Variants in CTNNA3 observed in about 807,000 individuals in gnomAD.
The protein encoded by CTNNA3 is catenin alpha 3.
CTNNA3 carries 76 observed loss-of-function variants against 95.7 expected under a neutral mutation model. That is an observed-to-expected ratio of 0.79 (90% CI 0.66 to 0.96). The LOEUF is 0.96. Ranked by LOEUF, CTNNA3 falls within the 40% of genes least tolerant of loss-of-function variation. The probability of loss-of-function intolerance (pLI) is 0.00; values close to 1 mark genes in which losing one functional copy is unlikely to be tolerated. For missense variants in CTNNA3, 1,191 were observed against 1,089.8 expected (o/e 1.09, Z -1.31); for synonymous variants, 431 against 374.4 (o/e 1.15, Z -1.74).
At chr10:66,024,321 C>G (rs963930180) in intron 15 of CTNNA3, among the ~76,000 whole-genome samples, 1 of 152,022 alleles carries the variant, frequency 6.6e-6, no homozygotes, top group African/African-American at 2.4e-5. Context: ...GATCTCCTGA[C>G]CTCGTGATCC....
rs192173315 is a variant in CTNNA3, at chr10:67,301,197, G to A, written c.580-81327C>T. Among the ~76,000 whole-genome samples the A allele has an allele frequency of 2.9e-3, 434 of 152,264 alleles. 2 individuals carry two copies. The highest frequency in any genetic ancestry group is 1.0e-2 in the African/African-American group (414 of 41,552). ...TGTCCACACATGTCCTTAATTGTATGTGCCTAGTTTTTAAATTACTCCTTT... is the reference window on the plus strand; with the variant it reads ...TGTCCACACATGTCCTTAATTGTATATGCCTAGTTTTTAAATTACTCCTTT... On this transcript the variant is annotated intron_variant, in intron 5 of 17. Transcript: ENST00000433211.
intron 5 of CTNNA3, among the ~76,000 whole-genome samples, chr10:67,487,303 C>T (rs560711383): frequency 6.6e-6 from 1 of 152,276 alleles, no homozygotes; most frequent in East Asian, 1.9e-4. Context: ...ATGTCTCCTC[C>T]ACTGGCTGCC....
chr10:66,054,764 C>T (rs2080041228), intron 15 of CTNNA3, among the ~76,000 whole-genome samples: 1 of 152,114 alleles, frequency 6.6e-6, no homozygotes, highest in African/African-American at 2.4e-5. Context: ...TCTTTGGTTG[C>T]CTGTGCTTTT....
intron 5 of CTNNA3, among the ~76,000 whole-genome samples, chr10:67,367,535 T>C (rs1360772158): frequency 6.6e-6 from 1 of 152,062 alleles, no homozygotes; most frequent in Non-Finnish European, 1.5e-5. Context: ...AAAAATAGAA[T>C]TACCATGCGA....
chr10:65,936,151 T>C (rs989029768), intron 17 of CTNNA3, among the ~76,000 whole-genome samples: 58 of 152,298 alleles, frequency 3.8e-4, no homozygotes, highest in African/African-American at 1.3e-3. Context: ...GAGTTTACAA[T>C]TGGACTTAGA....
intron 13 of CTNNA3, among the ~76,000 whole-genome samples, chr10:66,193,279 G>GCTC (rs2086779484): frequency 6.6e-6 from 1 of 152,168 alleles, no homozygotes; most frequent in Non-Finnish European, 1.5e-5. Context: ...ATCCTGGCCA[G>GCTC]AGAAGTATGC....
At chr10:66,659,356 A>G (rs550558889) in intron 9 of CTNNA3, among the ~76,000 whole-genome samples, 3 of 152,106 alleles carry the variant, frequency 2.0e-5, no homozygotes, top group Non-Finnish European at 4.4e-5. Context: ...AGAGACCTGT[A>G]TAAGTGAGGA....
At chr10:67,505,077 C>A (rs551705175) in intron 5 of CTNNA3, among the ~76,000 whole-genome samples, 1 of 152,296 alleles carries the variant, frequency 6.6e-6, no homozygotes, top group East Asian at 1.9e-4. Context: ...TTGTACACTG[C>A]TGCCTACCAA....
intron 12 of CTNNA3, among the ~76,000 whole-genome samples, chr10:66,376,857 T>C (rs2092799931): frequency 6.6e-6 from 1 of 152,196 alleles, no homozygotes; most frequent in Admixed American, 6.5e-5. Context: ...TGGCAATTAT[T>C]TATAACTAAT....
chr10:66,490,250 TATA>T (rs533294205), intron 11 of CTNNA3, among the ~76,000 whole-genome samples: 1 of 152,166 alleles, frequency 6.6e-6, no homozygotes, highest in East Asian at 1.9e-4. Context: ...GAATGAATTA[TATA>T]ATATTTTTTC....
chr10:67,040,107 T>A lies in CTNNA3; in HGVS notation c.1047+140210A>T, dbSNP rs146431235. Among the ~76,000 whole-genome samples, 31 of 152,232 alleles carry A rather than the reference T, an allele frequency of 2.0e-4. No individual in the cohort carries two copies. The East Asian group carries it at 6.0e-3, about 29-fold the overall frequency. On this transcript the variant is annotated intron_variant, in intron 7 of 17. Transcript: ENST00000433211. ...AGTACAGCAATCATTCTAGCAGTAT[T>A]TGCTATGACAACATCATTCAGCCCC... is the stretch of plus-strand genomic sequence containing the variant.
At chr10:66,725,959 C>T (rs1387973558) in intron 9 of CTNNA3, among the ~76,000 whole-genome samples, 1 of 152,028 alleles carries the variant, frequency 6.6e-6, no homozygotes, top group Non-Finnish European at 1.5e-5. Context: ...TTTAGGATAA[C>T]ATATACTTAT....
chr10:66,306,571 TAAC>T (rs2091937529), intron 12 of CTNNA3, among the ~76,000 whole-genome samples: 1 of 152,116 alleles, frequency 6.6e-6, no homozygotes, highest in Non-Finnish European at 1.5e-5. Flanking sequence ...TGCCTCCACT[TAAC>T]AATAAAACAA....
chr10:67,605,709 G>A (rs998384869), intron 3 of CTNNA3, among the ~76,000 whole-genome samples: 3 of 150,122 alleles, frequency 2.0e-5, no homozygotes, highest in African/African-American at 7.5e-5. Context: ...ACGAAGTCTC[G>A]CTCTTGTCCC....
intron 7 of CTNNA3, among the ~76,000 whole-genome samples, chr10:66,863,391 C>T (rs1201065529): frequency 6.6e-6 from 1 of 151,926 alleles, no homozygotes; most frequent in African/African-American, 2.4e-5. Context: ...GGGATAAAAT[C>T]AGGGAGAGTA....
At chr10:66,651,525 C>T (rs1349044177) in intron 9 of CTNNA3, among the ~76,000 whole-genome samples, 2 of 148,870 alleles carry the variant, frequency 1.3e-5, no homozygotes, top group East Asian at 2.0e-4. Context: ...CAGCGCCCAT[C>T]GGGGAGGCTC....
chr10:67,277,888 C>T (rs1342306083), intron 5 of CTNNA3, among the ~76,000 whole-genome samples: 1 of 152,116 alleles, frequency 6.6e-6, no homozygotes, highest in Non-Finnish European at 1.5e-5. Context: ...ACCCCTTTCC[C>T]AGAAAACTTA....
At chr10:67,682,913 G>A (rs920299726) in intron 1 of CTNNA3, among the ~76,000 whole-genome samples, 1 of 152,194 alleles carries the variant, frequency 6.6e-6, no homozygotes, top group Admixed American at 6.5e-5. Flanking sequence ...TGGAAAGAAT[G>A]AGGCAGGTCT....
At chr10:66,855,055 T>C (rs2132393250) in intron 7 of CTNNA3, among the ~76,000 whole-genome samples, 1 of 152,068 alleles carries the variant, frequency 6.6e-6, no homozygotes, top group East Asian at 1.9e-4. Context: ...ATAATAGCTA[T>C]TATTGTGTCA....
Sources: gnomAD v4.1 joint callset for allele counts (sites outside exome capture counted in the v4.1 genomes callset) on GRCh38, gnomAD v4.1.1 for gene constraint, MANE v1.5 for transcripts, NCBI Gene and HGNC (gene_info 2026-07-23, HGNC 2026-07-21) for gene names.